Variants in ZHX3 observed in about 807,000 individuals in gnomAD.
The protein encoded by ZHX3 is zinc fingers and homeoboxes 3, also known as zinc fingers and homeoboxes protein 3.
Under a neutral mutation model 64.5 loss-of-function variants are expected in ZHX3, and 20 were observed. The ratio of observed to expected loss-of-function variants is 0.31; its 90% CI spans 0.22 to 0.45. ZHX3 has a LOEUF of 0.45. Ranked by LOEUF, ZHX3 falls within the 20% of genes least tolerant of loss-of-function variation. The pLI is 1.00. For missense variants in ZHX3, 1,041 were observed against 1,195.8 expected, an observed-to-expected ratio of 0.87 and a Z score of 1.91; for synonymous variants, 423 against 461.6, an observed-to-expected ratio of 0.92 and a Z score of 1.07.
intron 2 of ZHX3, among the ~76,000 whole-genome samples, chr20:41,267,974 A>C (rs2042945076): frequency 6.6e-6 from 1 of 152,142 alleles, no homozygotes; most frequent in East Asian, 1.9e-4. Context: ...CAATTTTAAG[A>C]CTCAAAGTTA....
intron 2 of ZHX3, among the ~76,000 whole-genome samples, chr20:41,205,981 G>A (rs118116797): frequency 0.073 from 11,137 of 152,246 alleles, 446 homozygotes; most frequent in Middle Eastern, 0.17. Context: ...AACATCTGCC[G>A]TTCTGCAGTA....
At chr20:41,294,194 A>G (rs2044386802) in intron 1 of ZHX3, among the ~76,000 whole-genome samples, 1 of 152,218 alleles carries the variant, frequency 6.6e-6, no homozygotes, top group East Asian at 1.9e-4. Context: ...CTTGGGGTCA[A>G]TGACATTAAT....
chr20:41,194,441 A>T (rs1300923664), intron 3 of ZHX3, among the ~76,000 whole-genome samples: 1 of 152,184 alleles, frequency 6.6e-6, no homozygotes, highest in Non-Finnish European at 1.5e-5. Flanking sequence ...CATGAGGTAT[A>T]ATCCTTTTAG....
intron 2 of ZHX3, among the ~76,000 whole-genome samples, chr20:41,244,559 C>A (rs76849872): frequency 6.6e-6 from 1 of 152,110 alleles, no homozygotes; most frequent in African/African-American, 2.4e-5. Flanking sequence ...AATAAGATCC[C>A]ATGATGAGGG....
intron 1 of ZHX3, among the ~76,000 whole-genome samples, chr20:41,293,625 CT>C (rs780387068): frequency 6.6e-6 from 1 of 152,082 alleles, no homozygotes; most frequent in Non-Finnish European, 1.5e-5. Context: ...AGCTATAAGT[CT>C]GGTCACACAT....
At chr20:41,254,839 G>A (rs1291644534) in intron 2 of ZHX3, among the ~76,000 whole-genome samples, 1 of 152,162 alleles carries the variant, frequency 6.6e-6, no homozygotes, top group East Asian at 1.9e-4. Flanking sequence ...CCCTCAAGGA[G>A]TTGATAACGC....
chr20:41,196,442 A>ATAATATAT (rs2037583154), intron 3 of ZHX3, among the ~76,000 whole-genome samples: 13 of 57,004 alleles, frequency 2.3e-4, no homozygotes, highest in Admixed American at 1.0e-3. Flanking sequence ...AAATATATAT[A>ATAATATAT]TTATATATAA....
intron 2 of ZHX3, among the ~76,000 whole-genome samples, chr20:41,230,533 G>C (rs2040539605): frequency 6.6e-6 from 1 of 152,150 alleles, no homozygotes; most frequent in Non-Finnish European, 1.5e-5. Context: ...TGGCTAATGT[G>C]AATTGAGATG....
At position 41,178,746 on chromosome 20, in the gene ZHX3, A is replaced by C. The variant is rs1287946685; in HGVS notation, c.*6445T>G. 1 of 152,602 alleles carries C rather than the reference A, an allele frequency of 6.6e-6. No homozygotes were observed. The highest frequency in any genetic ancestry group is 1.5e-5 in the Non-Finnish European group (1 of 68,036). 9.5% of individuals were successfully genotyped at this position (152,602 alleles called of 1,614,324 possible). On this transcript the variant is annotated 3_prime_UTR_variant, in exon 4 of 4. Transcript: ENST00000683867. ...GTTAAAACGTTTACCCAGGGTAAAG[A>C]ATTCCCATTCTACCCAAGGCTTAAG...
At position 41,203,305 on chromosome 20, in the gene ZHX3, C is replaced by T. The variant is rs1568815247; in HGVS notation, c.1612G>A (p.Val538Met). ...CTACGATCACTGAACCATTTCCGCACCTCTCTGGTACTGAGGCCCGTCACT... is the reference window on the plus strand; with the variant it reads ...CTACGATCACTGAACCATTTCCGCATCTCTCTGGTACTGAGGCCCGTCACT... Reference protein sequence around the residue: ...TKVTGLSTREVRKWFSDRRYH... With the variant: ...TKVTGLSTREMRKWFSDRRYH... The change falls in exon 3 of 4, where the codon GTG (valine) becomes ATG (methionine). Residue 538 changes from valine to methionine, a missense_variant. Val to Met is a conservative substitution (Grantham distance 21). Transcript: ENST00000683867. This position sits in a 1 kb window ranked among gnomAD's most constrained non-coding sequence, Gnocchi z 7.1. 1.2e-6 allele frequency: 2 copies of T among 1,614,070 alleles called. No homozygotes were observed. The highest frequency in any genetic ancestry group is 3.3e-5 in the Admixed American group (2 of 60,008).
intron 2 of ZHX3, among the ~76,000 whole-genome samples, chr20:41,257,909 C>G (rs1411191784): frequency 6.9e-6 from 1 of 144,222 alleles, no homozygotes; most frequent in Non-Finnish European, 1.5e-5. Flanking sequence ...CCACGCCCAA[C>G]CCTTTTTTTT....
intron 2 of ZHX3, among the ~76,000 whole-genome samples, chr20:41,266,844 C>CT (rs11327834): frequency 0.11 from 8,586 of 76,482 alleles, 1,804 homozygotes; most frequent in East Asian, 0.38. Context: ...CGTGCCCGGC[C>CT]TTTTTTTTTT....
At chr20:41,186,205 G>A (rs578130141) in intron 3 of ZHX3, among the ~76,000 whole-genome samples, 20 of 152,062 alleles carry the variant, frequency 1.3e-4, no homozygotes, top group African/African-American at 2.9e-4. Flanking sequence ...ACCTTCTATC[G>A]CTATGCCTTT....
chr20:41,306,359 G>A (rs1378342350), intron 1 of ZHX3, among the ~76,000 whole-genome samples: 1 of 152,166 alleles, frequency 6.6e-6, no homozygotes, highest in Non-Finnish European at 1.5e-5. Context: ...TTATAAGCCA[G>A]GGCAAATCCT....
chr20:41,216,039 TC>T (rs1201487182), intron 2 of ZHX3, among the ~76,000 whole-genome samples: 2 of 151,164 alleles, frequency 1.3e-5, no homozygotes, highest in African/African-American at 4.9e-5. Context: ...ATTCTAAAGA[TC>T]AAGTGGACAA....
rs1432426876 is a variant in ZHX3 at position 41,201,525 on chromosome 20, T to C, written c.2860+532A>G. The C allele has an allele frequency of 1.0e-5, 5 of 490,130 alleles. No homozygotes were observed. Among genetic ancestry groups the C allele is most frequent in the Non-Finnish European group, 1.7e-5 (5 of 287,580 alleles). 30.4% of individuals were successfully genotyped at this position (490,130 alleles called of 1,614,324 possible). A position where few individuals can be genotyped will look rare whatever the true frequency, so the allele number is the denominator to read the frequency against. On this transcript the variant is annotated intron_variant, in intron 3 of 3. Transcript: ENST00000683867. The surrounding 1 kb of genome is among the most constrained non-coding windows in gnomAD (Gnocchi z 5.0). The stretch of plus-strand genomic sequence containing the variant: ...AACAAAATTCAAGCTTTTGATTCCA[T>C]GTATGTCAAAGAAGGAAGGTGATTT...
intron 2 of ZHX3, among the ~76,000 whole-genome samples, chr20:41,238,237 T>C (rs868026225): frequency 1.1e-4 from 17 of 152,236 alleles, no homozygotes; most frequent in Non-Finnish European, 1.8e-4. Flanking sequence ...GTCGAACTCA[T>C]AGATGCAGGA....
rs1407201069 is a variant in ZHX3 at position 41,179,239 on chromosome 20, A to G, written c.*5952T>C. 1 of 152,138 alleles carries G rather than the reference A, an allele frequency of 6.6e-6. No individual in the cohort carries two copies. Among genetic ancestry groups the G allele is most frequent in the African/African-American group, 2.4e-5 (1 of 41,404 alleles). The allele number at this position is 152,138 out of a possible 1,614,324, so 9.4% of individuals were successfully genotyped here. ...CCTCCTAACACTTCTGAACAAAGCA[A>G]CTGCTCAGAAGCACAGCGGGAACCC... is the stretch of plus-strand genomic sequence containing the variant. On this transcript the variant is annotated 3_prime_UTR_variant, in exon 4 of 4. Transcript: ENST00000683867. The surrounding 1 kb of genome is among the most constrained non-coding windows in gnomAD (Gnocchi z 4.3).
At chr20:41,294,838 C>T (rs77204035) in intron 1 of ZHX3, among the ~76,000 whole-genome samples, 10 of 152,024 alleles carry the variant, frequency 6.6e-5, no homozygotes, top group Admixed American at 4.6e-4. Context: ...CCAGACCATA[C>T]GCATGTGCCA....
Sources: gnomAD v4.1 joint callset for allele counts (sites outside exome capture counted in the v4.1 genomes callset) on GRCh38, gnomAD v4.1.1 for gene constraint, Gnocchi (gnomAD v3.1) non-coding constraint, MANE v1.5 for transcripts, NCBI Gene and HGNC (gene_info 2026-07-23, HGNC 2026-07-21) for gene names.